The following ADCY9 variants were observed in gnomAD, a reference collection of about 807,000 sequenced individuals.
The protein encoded by ADCY9 is adenylate cyclase type 9.
Under a neutral mutation model 101.5 loss-of-function variants are expected in ADCY9, and 50 were observed. The observed-to-expected ratio is 0.49, with a 90% CI of 0.39 to 0.62. ADCY9 has a LOEUF of 0.62. ADCY9 is among the 20% of genes least tolerant of loss of function. The pLI, the probability that ADCY9 is intolerant of heterozygous loss-of-function variation, is 0.00. For synonymous variants in ADCY9, 905 were observed against 769.3 expected, an observed-to-expected ratio of 1.18 and a Z score of -2.92; for missense variants, 1,662 against 1,800.4, an observed-to-expected ratio of 0.92 and a Z score of 1.39.
intron 2 of ADCY9, among the ~76,000 whole-genome samples, chr16:4,099,753 C>T (rs116611939): frequency 0.016 from 2,452 of 152,280 alleles, 32 homozygotes; most frequent in African/African-American, 0.034. Flanking sequence ...CTTTGGAGGA[C>T]GTTAAGAAAC....
intron 2 of ADCY9, among the ~76,000 whole-genome samples, chr16:4,026,547 T>G (rs2056516696): frequency 6.6e-6 from 1 of 152,148 alleles, no homozygotes; most frequent in African/African-American, 2.4e-5. Context: ...ACGCAAATGT[T>G]TGTAGCGGCA....
Position 4,115,219 on chromosome 16 carries a change from C to G in ADCY9, c.224G>C (p.Arg75Thr). 1 of 1,613,308 alleles carries G rather than the reference C, an allele frequency of 6.2e-7. No individual in the cohort carries two copies. The highest frequency in any genetic ancestry group is 8.5e-7 in the Non-Finnish European group (1 of 1,179,704). ...GAACAGCTGGGGCAGCTTCTTCTGC[C>G]TGCGCAGCCGGCCTCCGCCGCCCAC... is the stretch of plus-strand genomic sequence containing the variant. ...RRVGGGGRLR[R>T]QKKLPQLFER... Residue 75 changes from arginine to threonine, a missense_variant, in exon 2 of 11, where the codon AGG becomes ACG. Physicochemically the swap from Arg to Thr is moderately conservative, Grantham distance 71. This residue lies in a region of ADCY9 where 422 missense variants were observed against 392.0 expected (regional missense o/e 1.08). Coordinates refer to ENST00000294016, the MANE Select transcript of ADCY9 (RefSeq NM_001116.4). The surrounding 1 kb of genome is among the most constrained non-coding windows in gnomAD (Gnocchi z 6.2).
chr16:3,969,661 C>T (rs1242323692), intron 10 of ADCY9, among the ~76,000 whole-genome samples: 2 of 134,112 alleles, frequency 1.5e-5, no homozygotes, highest in East Asian at 2.3e-4. Context: ...GTCATCCAAG[C>T]TGGACTGCAG....
chr16:4,105,639 CA>C (rs1393716025), intron 2 of ADCY9, among the ~76,000 whole-genome samples: 2 of 150,182 alleles, frequency 1.3e-5, no homozygotes, highest in Non-Finnish European at 3.0e-5. Context: ...AAGATCACAC[CA>C]CTGCTCTCCA....
At chr16:4,005,660 C>T (rs1285360677) in intron 3 of ADCY9, among the ~76,000 whole-genome samples, 1 of 152,170 alleles carries the variant, frequency 6.6e-6, no homozygotes, top group African/African-American at 2.4e-5. Flanking sequence ...GACTAGAGTG[C>T]AATGTAGTGT....
chr16:3,967,760 C>T (rs535831706), intron 10 of ADCY9, among the ~76,000 whole-genome samples: 16 of 145,556 alleles, frequency 1.1e-4, no homozygotes, highest in Non-Finnish European at 1.5e-5. Context: ...TGCAGTGGTG[C>T]GATCTTGGCT....
At chr16:3,954,350 G>T (rs1340470514) in intron 5 of ADCY9, among the ~76,000 whole-genome samples, 2 of 152,136 alleles carry the variant, frequency 1.3e-5, no homozygotes, top group Non-Finnish European at 2.9e-5. Context: ...TGGTGGGATT[G>T]GGTGGGGCTC....
Position 4,113,876 on chromosome 16 carries a change from G to A in ADCY9, c.1567C>T (p.Leu523=). Residue 523 remains leucine, a synonymous_variant, in exon 2 of 11, where the codon CTG becomes TTG. Coordinates refer to ENST00000294016, the MANE Select transcript of ADCY9 (RefSeq NM_001116.4). ...DVNLANLMEQ[L]GVAGKVHISE... Reference sequence around the variant, plus strand: ...ATGTGAACTTTGCCGGCCACTCCCAGCTGCTCCATGAGATTGGCCAGGTTC... The same window carrying A: ...ATGTGAACTTTGCCGGCCACTCCCAACTGCTCCATGAGATTGGCCAGGTTC... 6.2e-7 allele frequency: 1 copy of A among 1,614,154 alleles called. No homozygotes were observed.
chr16:4,075,787 G>A (rs1024998267), intron 2 of ADCY9, among the ~76,000 whole-genome samples: 2 of 152,124 alleles, frequency 1.3e-5, no homozygotes, highest in African/African-American at 2.4e-5. Flanking sequence ...GCTTTCCAAC[G>A]GAGATGCTAC....
intron 2 of ADCY9, among the ~76,000 whole-genome samples, chr16:4,108,979 T>C (rs2057097172): frequency 1.3e-5 from 2 of 152,124 alleles, no homozygotes; most frequent in Admixed American, 1.3e-4. Context: ...GTGTTGAGAT[T>C]ACAGGCATGA....
Position 4,065,788 on chromosome 16 carries a change from C to T in ADCY9, c.1693+47962G>A, listed in dbSNP as rs534628239. Among the ~76,000 whole-genome samples the T allele has an allele frequency of 5.3e-5, 8 of 152,320 alleles. No individual in the cohort carries two copies. The East Asian group carries it at 1.3e-3, about 26-fold the overall frequency. The stretch of plus-strand genomic sequence containing the variant: ...TTCGCCATGTTGGCCAGGCTGATCT[C>T]GAACTCCTGACCTCAGGTGATCTGC... On this transcript the variant is annotated intron_variant, in intron 2 of 10. Coordinates refer to ENST00000294016, the MANE Select transcript of ADCY9 (RefSeq NM_001116.4).
chr16:4,081,383 C>T (rs1340813648), intron 2 of ADCY9, among the ~76,000 whole-genome samples: 5 of 152,232 alleles, frequency 3.3e-5, no homozygotes, highest in Non-Finnish European at 7.3e-5. Flanking sequence ...GAGCTGGCCG[C>T]ACAGGAGACC....
In ADCY9 at chr16:3,956,503, T is replaced by TTTTTTTTTTTTG. The variant is rs55792938; in HGVS notation, c.568-2988_568-2987insCAAAAAAAAAAA. ...GCGCAATGAGCTTTTTTTTTTTTTT[T>TTTTTTTTTTTTG]GGGGGGGGATGGAGTCTCCCTCTGT... On this transcript the variant is annotated intron_variant, in intron 5 of 5. Coordinates refer to the ADCY9 transcript ENST00000576936. 6.8e-3 allele frequency among the ~76,000 whole-genome samples: 471 copies of TTTTTTTTTTTTG among 69,476 alleles called. 41 individuals carry two copies. Among genetic ancestry groups the TTTTTTTTTTTTG allele is most frequent in the African/African-American group, 0.016 (397 of 24,676 alleles). The allele number at this position is 69,476 out of a possible 152,430, so 45.6% of individuals were successfully genotyped here.
At position 4,114,656 on chromosome 16, in the gene ADCY9, A is replaced by C. The variant is rs1174500970; in HGVS notation, c.787T>G (p.Phe263Val). Residue 263 changes from phenylalanine to valine, a missense_variant, in exon 2 of 11, where the codon TTC becomes GTC. Phe to Val is a conservative substitution (Grantham distance 50). This residue lies in a region of ADCY9 where 422 missense variants were observed against 392.0 expected (regional missense o/e 1.08). Transcript: ENST00000294016. The surrounding 1 kb of genome is among the most constrained non-coding windows in gnomAD (Gnocchi z 4.3). ...GAGGGGAAGCAGGCTTCATCCCGGA[A>C]ATGGTAGCCAAAGGTCTCGAAAAGG... The part of the protein sequence containing the change: ...SVLFETFGYH[F>V]RDEACFPSPG... 1.2e-6 allele frequency: 2 copies of C among 1,613,268 alleles called. No individual in the cohort carries two copies. The highest frequency in any genetic ancestry group is 2.2e-5 in the South Asian group (2 of 91,084).
At chr16:4,005,419 A>T (rs928266214) in intron 3 of ADCY9, among the ~76,000 whole-genome samples, 1 of 152,084 alleles carries the variant, frequency 6.6e-6, no homozygotes, top group Non-Finnish European at 1.5e-5. Flanking sequence ...TGTAGAGATG[A>T]TGTCTTGCTA....
intron 2 of ADCY9, among the ~76,000 whole-genome samples, chr16:4,095,603 C>G (rs1412605135): frequency 2.6e-5 from 4 of 152,046 alleles, no homozygotes; most frequent in African/African-American, 9.7e-5. Context: ...GGAACTGAAG[C>G]ACATTAAAAA....
chr16:4,045,875 T>TC (rs1442470770), intron 2 of ADCY9, among the ~76,000 whole-genome samples: 170 of 127,278 alleles, frequency 1.3e-3, no homozygotes, highest in African/African-American at 6.5e-3. Flanking sequence ...CTTTCTTTTT[T>TC]TTTTTTTTTT....
In ADCY9 at chr16:4,114,545, C is replaced by G. The variant is rs182142664; in HGVS notation, c.898G>C (p.Val300Leu). ...CIHAIGVHLF[V>L]MSQVRSRSTF... is the part of the protein sequence containing the mutation. ...CTCCTGGACCTCACCTGGGACATGA[C>G]GAACAGGTGGACCCCGATGGCGTGG... The change falls in exon 2 of 11, where the codon GTC becomes CTC. Residue 300 changes from valine to leucine, a missense_variant. Coordinates refer to ENST00000294016, the MANE Select transcript of ADCY9 (RefSeq NM_001116.4). The surrounding 1 kb of genome is among the most constrained non-coding windows in gnomAD (Gnocchi z 4.3). The G allele has an allele frequency of 5.6e-5, 91 of 1,614,062 alleles. No individual in the cohort carries two copies. The highest frequency in any genetic ancestry group is 7.5e-5 in the Non-Finnish European group (89 of 1,180,040).
Position 3,966,479 on chromosome 16 carries a change from G to T in ADCY9, c.3358C>A (p.Leu1120Met). 2.5e-6 allele frequency: 4 copies of T among 1,614,156 alleles called. No individual in the cohort carries two copies. The highest frequency in any genetic ancestry group is 3.4e-6 in the Non-Finnish European group (4 of 1,180,048). Reference protein sequence around the residue: ...IGATYMAASGLNTAQAQDGSH... With the variant: ...IGATYMAASGMNTAQAQDGSH... ...CCGTCCTGGGCCTGCGCGGTGTTCA[G>T]CCCTGACGCCGCCATGTACGTGGCT... The change falls in exon 11 of 11, where the codon CTG becomes ATG. Residue 1120 changes from leucine to methionine, a missense_variant. This residue lies in a region of ADCY9 where 220 missense variants were observed against 312.9 expected (regional missense o/e 0.70). Transcript: ENST00000294016.
Sources: allele counts gnomAD v4.1 joint callset (sites outside exome capture counted in the v4.1 genomes callset), GRCh38; gene constraint gnomAD v4.1.1; regional missense constraint gnomAD v4.1.1; non-coding constraint Gnocchi (gnomAD v3.1); transcripts MANE v1.5; gene names NCBI Gene and HGNC (gene_info 2026-07-23, HGNC 2026-07-21).